The following STRBP variants were observed in gnomAD, a reference collection of about 807,000 sequenced individuals.
STRBP encodes spermatid perinuclear RNA binding protein, also known as spermatid perinuclear RNA-binding protein.
Under a neutral mutation model 80.1 loss-of-function variants are expected in STRBP, and 13 were observed. The observed-to-expected ratio is 0.16, with a 90% CI of 0.11 to 0.26. The LOEUF is 0.26. Ranked by LOEUF, STRBP falls within the 10% of genes least tolerant of loss-of-function variation. The pLI is 1.00. For missense variants in STRBP, 485 were observed against 815.2 expected, an observed-to-expected ratio of 0.59 and a Z score of 4.93; for synonymous variants, 284 against 291.2, an observed-to-expected ratio of 0.98 and a Z score of 0.25.
At chr9:123,162,230 CTTT>C (rs60242197) in intron 6 of STRBP, among the ~76,000 whole-genome samples, 1 of 146,610 alleles carries the variant, frequency 6.8e-6, no homozygotes, top group Non-Finnish European at 1.5e-5. Flanking sequence ...TGGTTTTTTT[CTTT>C]TTTTTTTTTG....
intron 17 of STRBP, among the ~76,000 whole-genome samples, chr9:123,130,858 C>T (rs1327653410): frequency 6.6e-6 from 1 of 152,006 alleles, no homozygotes; most frequent in Non-Finnish European, 1.5e-5. Flanking sequence ...ATTTTGCTTC[C>T]TTTATATTCC....
intron 2 of STRBP, among the ~76,000 whole-genome samples, chr9:123,194,652 C>G (rs1022585801): frequency 1.3e-5 from 2 of 152,132 alleles, no homozygotes; most frequent in African/African-American, 4.8e-5. Flanking sequence ...CAATCAGCCT[C>G]TCATCCCAAT....
intron 6 of STRBP, among the ~76,000 whole-genome samples, chr9:123,165,638 A>G (rs944722196): frequency 1.3e-5 from 2 of 152,180 alleles, no homozygotes; most frequent in African/African-American, 4.8e-5. Flanking sequence ...AATAGCAAAT[A>G]TATTTCTAAT....
At chr9:123,196,615 C>A (rs562045669) in intron 2 of STRBP, among the ~76,000 whole-genome samples, 2 of 152,034 alleles carry the variant, frequency 1.3e-5, no homozygotes, top group Admixed American at 6.6e-5. Context: ...ATACTAATGG[C>A]AAACAGGTGT....
intron 2 of STRBP, among the ~76,000 whole-genome samples, chr9:123,187,897 T>C (rs976491904): frequency 1.3e-5 from 2 of 152,116 alleles, no homozygotes; most frequent in African/African-American, 4.8e-5. Context: ...TACATTAGGG[T>C]TCACTCTTTG....
chr9:123,157,986 C>T (rs758242599), intron 11 of STRBP, 26 bp downstream of exon 11: 158 of 1,548,388 alleles, frequency 1.0e-4, no homozygotes, highest in Non-Finnish European at 1.3e-4. Context: ...CAACCCCCAA[C>T]CCTAATAAAA....
At chr9:123,127,834 G>A (rs1009516917) in intron 18 of STRBP, among the ~76,000 whole-genome samples, 6 of 152,196 alleles carry the variant, frequency 3.9e-5, no homozygotes, top group Admixed American at 1.3e-4. Context: ...CAACTCACAC[G>A]GTTCCAAACC....
Position 123,124,808 on chromosome 9 carries a change from A to G in STRBP, c.*789T>C. On this transcript the variant is annotated 3_prime_UTR_variant, in exon 19 of 19. Coordinates refer to ENST00000348403, the MANE Select transcript of STRBP (RefSeq NM_018387.5). ...CATCTCTGGGTAGTGCCATCATTTT[A>G]ATAAGCAATGCTCAAATAACAGAAT... 1 of 985,458 alleles carries G rather than the reference A, an allele frequency of 1.0e-6. No homozygotes were observed. The highest frequency in any genetic ancestry group is 1.2e-6 in the Non-Finnish European group (1 of 829,926). The allele number at this position is 985,458 out of a possible 1,614,324, so 61.0% of individuals were successfully genotyped here.
At chr9:123,178,867 A>G in intron 4 of STRBP, 140 bp downstream of exon 4, 1 of 649,294 alleles carries the variant, frequency 1.5e-6, no homozygotes, top group South Asian at 2.7e-5. Context: ...ATCTCCATGT[A>G]ACATTTACTT....
chr9:123,245,518 T>C (rs2040782859), intron 1 of STRBP, among the ~76,000 whole-genome samples: 1 of 152,188 alleles, frequency 6.6e-6, no homozygotes. Context: ...GCCTCCTGAG[T>C]AGCTGGGAGC....
At chr9:123,151,386 T>C (rs999037992) in intron 11 of STRBP, among the ~76,000 whole-genome samples, 1 of 151,684 alleles carries the variant, frequency 6.6e-6, no homozygotes, top group African/African-American at 2.4e-5. Flanking sequence ...ATTATGACCC[T>C]CAACTGCAGA....
chr9:123,139,301 A>C (rs2036490198), intron 14 of STRBP, among the ~76,000 whole-genome samples: 1 of 152,238 alleles, frequency 6.6e-6, no homozygotes, highest in African/African-American at 2.4e-5. Flanking sequence ...AGATATTTTT[A>C]AAGTGAAAAA....
chr9:123,121,016 GA>G (rs2035724251), downstream of STRBP, among the ~76,000 whole-genome samples: 1 of 152,206 alleles, frequency 6.6e-6, no homozygotes, highest in East Asian at 1.9e-4. Flanking sequence ...GAGACTGTCA[GA>G]ATTAAAATGC....
chr9:123,205,835 C>T (rs1450849089), intron 2 of STRBP, among the ~76,000 whole-genome samples: 2 of 152,212 alleles, frequency 1.3e-5, no homozygotes, highest in Non-Finnish European at 2.9e-5. Flanking sequence ...CAGAACAATT[C>T]AATATCTTTG....
In STRBP at chr9:123,179,160, G is replaced by A. The variant is rs747751736; in HGVS notation, c.71C>T (p.Ser24Phe). Residue 24 changes from serine (S) to phenylalanine (F), a missense_variant, in exon 4 of 19, where the codon TCT becomes TTT. Physicochemically the swap from Ser to Phe is radical, Grantham distance 155. Around this residue, in one of 3 missense-constraint regions of STRBP, gnomAD observed 377 missense variants for 616.1 expected, o/e 0.61. Coordinates refer to ENST00000348403, the MANE Select transcript of STRBP (RefSeq NM_018387.5). ...VMVKHSTIYP[S>F]PEELEAVQNM... ...CTGAACAGCTTCAAGTTCCTCCGGAGATGGATAGATTGTTGAATGTTTCAC... is the reference window on the plus strand; with the variant it reads ...CTGAACAGCTTCAAGTTCCTCCGGAAATGGATAGATTGTTGAATGTTTCAC... The A allele has an allele frequency of 6.2e-7, 1 of 1,613,576 alleles. No individual in the cohort carries two copies. The highest frequency in any genetic ancestry group is 8.5e-7 in the Non-Finnish European group (1 of 1,179,502).
chr9:123,139,456 C>T, intron 14 of STRBP, 73 bp downstream of exon 14: 1 of 1,230,230 alleles, frequency 8.1e-7, no homozygotes, highest in South Asian at 1.8e-5. Flanking sequence ...TTTATTTATA[C>T]TTTTCCACAT....
At chr9:123,201,971 T>C (rs1474772480) in intron 2 of STRBP, among the ~76,000 whole-genome samples, 1 of 151,884 alleles carries the variant, frequency 6.6e-6, no homozygotes, top group South Asian at 2.1e-4. Flanking sequence ...TCTTGTTGAA[T>C]TGATTGTTTT....
Position 123,125,327 on chromosome 9 carries a change from G to T in STRBP, c.*270C>A. On this transcript the variant is annotated 3_prime_UTR_variant, in exon 19 of 19. Coordinates refer to ENST00000348403, the MANE Select transcript of STRBP (RefSeq NM_018387.5). ...TCTCTTAAAACTTAAACTTTGAACT[G>T]CTAGACTTTTATTTCCCTAGAACAG... is the stretch of plus-strand genomic sequence containing the variant. The T allele has an allele frequency of 8.9e-7, 1 of 1,128,350 alleles. No homozygotes were observed. Among genetic ancestry groups the T allele is most frequent in the Non-Finnish European group, 1.1e-6 (1 of 922,956 alleles). 69.9% of individuals were successfully genotyped at this position (1,128,350 alleles called of 1,614,324 possible). A position where few individuals can be genotyped will look rare whatever the true frequency, so the allele number is the denominator to read the frequency against.
chr9:123,181,601 A>G (rs960647660), intron 3 of STRBP, among the ~76,000 whole-genome samples: 1 of 151,940 alleles, frequency 6.6e-6, no homozygotes, highest in African/African-American at 2.4e-5. Context: ...GTTCGAGACC[A>G]GTCTGACCAA....
Sources: gnomAD v4.1 joint callset for allele counts (sites outside exome capture counted in the v4.1 genomes callset) on GRCh38, gnomAD v4.1.1 for gene constraint, gnomAD v4.1.1 regional missense constraint, MANE v1.5 for transcripts, NCBI Gene and HGNC (gene_info 2026-07-23, HGNC 2026-07-21) for gene names.